KDM2B: variants seen among roughly 807,000 people sequenced by gnomAD.
KDM2B encodes the protein lysine-specific demethylase 2B.
KDM2B carries 26 observed loss-of-function variants against 150.0 expected under a neutral mutation model. The ratio of observed to expected loss-of-function variants is 0.17; its 90% CI spans 0.13 to 0.24. The LOEUF (loss-of-function observed/expected upper bound fraction) is 0.24. Among genes scored for constraint, KDM2B ranks in the 10% least tolerant of loss-of-function variants. KDM2B has a pLI of 1.00. For synonymous variants in KDM2B, 734 were observed against 729.5 expected (o/e 1.01, Z -0.10); for missense variants, 1,265 against 1,816.9 (o/e 0.70, Z 5.52).
At chr12:121,416,227 CAG>C in the KDM2B span, 8 of 1,614,098 alleles carry the variant, frequency 5.0e-6, no homozygotes, top group Non-Finnish European at 6.8e-6. Context: ...CTGGAGCTGT[CAG>C]GGGCCAGCAG....
intron 1 of KDM2B, chr12:121,579,642 C>G (rs1555317545): frequency 7.5e-7 from 1 of 1,341,728 alleles, no homozygotes; most frequent in African/African-American, 1.5e-5. Context: ...CACAAGCGCG[C>G]GCGCACACTC....
At chr12:121,413,175 G>A in the KDM2B span, among the ~76,000 whole-genome samples, 1 of 151,806 alleles carries the variant, frequency 6.6e-6, no homozygotes, top group Non-Finnish European at 1.5e-5. Flanking sequence ...ACAGGCATCT[G>A]CCAATACGCC....
rs1555305703 is a variant in KDM2B at position 121,520,666 on chromosome 12, T to G, written c.1047+319A>C. 6.6e-6 allele frequency among the ~76,000 whole-genome samples: 1 copy of G among 152,010 alleles called. No individual in the cohort carries two copies. The highest frequency in any genetic ancestry group is 1.5e-5 in the Non-Finnish European group (1 of 67,980). On this transcript the variant is annotated intron_variant, in intron 9 of 22. Coordinates refer to ENST00000377071, the MANE Select transcript of KDM2B (RefSeq NM_032590.5). This position sits in a 1 kb window ranked among gnomAD's most constrained non-coding sequence, Gnocchi z 4.5. ...ATCCCCCTAATCCCTCACACCACTT[T>G]CTCCACGTGAGGAGGAAGAGGCAGG...
In KDM2B at chr12:121,444,052, C is replaced by T. The variant is rs561376450; in HGVS notation, c.2411G>A (p.Arg804Gln). The T allele has an allele frequency of 2.0e-5, 33 of 1,613,570 alleles. No homozygotes were observed. Among genetic ancestry groups the T allele is most frequent in the African/African-American group, 2.7e-5 (2 of 75,058 alleles). The part of the protein sequence containing the change: ...KSDDVHLRKK[R>Q]KYEKPQELSG... ...CAGCTCCTGGGGCTTCTCGTATTTC[C>T]GCTTCTTCCTCAGGTGCACGTCGTC... The change falls in exon 16 of 23, where the codon CGG (arginine) becomes CAG (glutamine). Residue 804 changes from arginine (R) to glutamine (Q), a missense_variant. Around this residue, in one of 11 missense-constraint regions of KDM2B, gnomAD observed 418 missense variants for 402.4 expected, o/e 1.04. Coordinates refer to ENST00000377071, the MANE Select transcript of KDM2B (RefSeq NM_032590.5).
chr12:121,468,003 C>G lies in KDM2B; in HGVS notation c.1735-14659G>C, dbSNP rs1356818402. 6.6e-6 allele frequency: 1 copy of G among 152,670 alleles called. No individual in the cohort carries two copies. Among genetic ancestry groups the G allele is most frequent in the Non-Finnish European group, 1.5e-5 (1 of 68,420 alleles). 9.5% of individuals were successfully genotyped at this position (152,670 alleles called of 1,614,324 possible). On this transcript the variant is annotated intron_variant, in intron 12 of 22. Transcript: ENST00000377071. This position sits in a 1 kb window ranked among gnomAD's most constrained non-coding sequence, Gnocchi z 4.0. ...GCTGCACCTCCGGCACTCGGGTTCG[C>G]CTTTGCAGGGTCAAGTAGTGCAGGC...
chr12:121,580,758 C>A lies in KDM2B; in HGVS notation c.126+28G>T, dbSNP rs368540601. 3.4e-5 allele frequency: 54 copies of A among 1,610,116 alleles called. No homozygotes were observed. In the African/African-American group the frequency reaches 6.2e-4, roughly 18 times the overall value. On this transcript the variant is annotated intron_variant, in intron 1 of 22. Transcript: ENST00000377071. ...GCCCAGGGCTACCCCTCTTCCTCTT[C>A]TTTCATCCACCCCTCCCCCAACATT...
rs1322315583 is a variant in KDM2B, at chr12:121,576,885, G to C, written c.272-1026C>G. ...GGAAACAGTTCACAGGGCAGCCTTGGGGGAGGAGGAGGCCAAGACAACTCC... is the reference window on the plus strand; with the variant it reads ...GGAAACAGTTCACAGGGCAGCCTTGCGGGAGGAGGAGGCCAAGACAACTCC... On this transcript the variant is annotated intron_variant, in intron 2 of 22. Transcript: ENST00000377071. Among the ~76,000 whole-genome samples the C allele has an allele frequency of 5.9e-5, 9 of 152,274 alleles. No individual in the cohort carries two copies. The South Asian group carries it at 6.2e-4, about 11-fold the overall frequency.
In KDM2B at chr12:121,520,883, G is replaced by A. The variant is rs1171684178; in HGVS notation, c.1047+102C>T. 2 of 788,324 alleles carry A rather than the reference G, an allele frequency of 2.5e-6. No individual in the cohort carries two copies. The highest frequency in any genetic ancestry group is 2.1e-5 in the Admixed American group (1 of 48,522). 48.8% of individuals were successfully genotyped at this position (788,324 alleles called of 1,614,324 possible). A position where few individuals can be genotyped will look rare whatever the true frequency, so the allele number is the denominator to read the frequency against. ...CTTGAGAGAGGAATCGGGAGGGAGA[G>A]GGGAACTGTGGAGGACTTCAGTATG... is the stretch of plus-strand genomic sequence containing the variant. On this transcript the variant is annotated intron_variant, in intron 9 of 22. Coordinates refer to ENST00000377071, the MANE Select transcript of KDM2B (RefSeq NM_032590.5). The surrounding 1 kb of genome is among the most constrained non-coding windows in gnomAD (Gnocchi z 4.5).
chr12:121,416,661 T>C, the KDM2B span: 1 of 286,328 alleles, frequency 3.5e-6, no homozygotes, highest in South Asian at 4.2e-5. Context: ...AAGAAATTTG[T>C]TAGTCTGTAG....
At chr12:121,420,844 T>G in the KDM2B span, 2 of 1,202,614 alleles carry the variant, frequency 1.7e-6, no homozygotes, top group Non-Finnish European at 2.4e-6. Flanking sequence ...CTGGGTTGTT[T>G]TTGTCACAAT....
rs782669380 is a variant in KDM2B, at chr12:121,534,539, A to G, written c.735T>C (p.Phe245=). 14 of 1,613,980 alleles carry G rather than the reference A, an allele frequency of 8.7e-6. No homozygotes were observed. The highest frequency in any genetic ancestry group is 1.7e-5 in the Admixed American group (1 of 59,992). Residue 245 remains phenylalanine (F), a synonymous_variant, in exon 7 of 23, where the codon TTT becomes TTC. Transcript: ENST00000377071. ...KGCFTDFHID[F]GGTSVWYHVF... ...CATGGTACCAAACGGAAGTGCCTCC[A>G]AAGTCGATGTGGAAGTCGGTGAAAC...
chr12:121,572,536 C>A (rs782088026), intron 4 of KDM2B, among the ~76,000 whole-genome samples: 3 of 152,214 alleles, frequency 2.0e-5, no homozygotes, highest in Non-Finnish European at 4.4e-5. Context: ...CAAATGCCCC[C>A]CTTCATCCCA....
At chr12:121,545,141 G>A (rs572448597) in intron 6 of KDM2B, among the ~76,000 whole-genome samples, 1 of 152,252 alleles carries the variant, frequency 6.6e-6, no homozygotes, top group South Asian at 2.1e-4. Context: ...ACTGTTCTAC[G>A]ATCCCGGAGG....
chr12:121,473,263 G>A lies in KDM2B; in HGVS notation c.1735-19919C>T, dbSNP rs1351263494. On this transcript the variant is annotated intron_variant, in intron 12 of 22. Transcript: ENST00000377071. ...AAAAATTAGCCGGGTGTGATGGTGG[G>A]CATCTGTAACCCCAGTTACTTGGGA... 5.9e-5 allele frequency among the ~76,000 whole-genome samples: 9 copies of A among 152,014 alleles called. No homozygotes were observed. In the East Asian group the frequency reaches 1.7e-3, roughly 29 times the overall value.
rs782421110 is a variant in KDM2B at position 121,442,383 on chromosome 12, G to A, written c.3058C>T (p.Pro1020Ser). The A allele has an allele frequency of 2.3e-5, 37 of 1,587,928 alleles. No individual in the cohort carries two copies. The highest frequency in any genetic ancestry group is 3.0e-5 in the Non-Finnish European group (35 of 1,168,430). ...HQLGPSLRSP[P>S]RVISRPPPSV... The stretch of plus-strand genomic sequence containing the variant: ...GGTGGGGGCCGGGAGATGACACGGG[G>A]CGGGCTGCGCAGGCTGGGCCCCAGC... Residue 1020 changes from proline to serine, a missense_variant, in exon 19 of 23, where the codon CCC becomes TCC. Pro to Ser is a moderately conservative substitution (Grantham distance 74). Coordinates refer to ENST00000377071, the MANE Select transcript of KDM2B (RefSeq NM_032590.5). This position sits in a 1 kb window ranked among gnomAD's most constrained non-coding sequence, Gnocchi z 7.7.
chr12:121,427,539 C>T (rs1872567982), downstream of KDM2B, among the ~76,000 whole-genome samples: 1 of 152,018 alleles, frequency 6.6e-6, no homozygotes, highest in African/African-American at 2.4e-5. Context: ...GACTCTGTCT[C>T]AAAATAAATA....
chr12:121,527,203 C>A (rs2141346897), intron 8 of KDM2B, among the ~76,000 whole-genome samples: 1 of 149,546 alleles, frequency 6.7e-6, no homozygotes, highest in Admixed American at 6.6e-5. Context: ...GCACCCGCCG[C>A]CACGCCCAGA....
intron 8 of KDM2B, among the ~76,000 whole-genome samples, chr12:121,525,901 C>CA (rs1389747726): frequency 6.6e-6 from 1 of 152,174 alleles, no homozygotes; most frequent in African/African-American, 2.4e-5. Context: ...CAGGCACTGC[C>CA]ATCCCCACTT....
At chr12:121,417,579 A>G in the KDM2B span, 2 of 1,614,076 alleles carry the variant, frequency 1.2e-6, no homozygotes, top group Non-Finnish European at 1.7e-6. This position sits in a 1 kb window ranked among gnomAD's most constrained non-coding sequence, Gnocchi z 5.0. Flanking sequence ...TAGATGTTCT[A>G]CTTGTCACTT....
Sources: gnomAD v4.1 joint callset for allele counts (sites outside exome capture counted in the v4.1 genomes callset) on GRCh38, gnomAD v4.1.1 for gene constraint, gnomAD v4.1.1 regional missense constraint, Gnocchi (gnomAD v3.1) non-coding constraint, MANE v1.5 for transcripts, NCBI Gene and HGNC (gene_info 2026-07-23, HGNC 2026-07-21) for gene names.